Variants in LMBRD1 observed in about 807,000 individuals in gnomAD.
LMBRD1 encodes the protein lysosomal cobalamin transport escort protein LMBD1.
Under a neutral mutation model 74.8 loss-of-function variants are expected in LMBRD1, and 64 were observed. The ratio of observed to expected loss-of-function variants is 0.86; its 90% CI spans 0.70 to 1.05. The LOEUF (loss-of-function observed/expected upper bound fraction) is 1.05. LMBRD1 is among the 50% of genes least tolerant of loss of function. LMBRD1 has a pLI of 0.00. For missense variants in LMBRD1, 652 were observed against 645.9 expected (o/e 1.01, Z -0.10); for synonymous variants, 204 against 216.3 (o/e 0.94, Z 0.50).
intron 7 of LMBRD1, among the ~76,000 whole-genome samples, chr6:69,734,397 A>ATT (rs66556444): frequency 1.1e-4 from 16 of 144,276 alleles, no homozygotes; most frequent in African/African-American, 3.3e-4. Flanking sequence ...AACAAAACCA[A>ATT]TTTTTTTTTT....
chr6:69,710,796 C>T (rs1766365902), intron 9 of LMBRD1, among the ~76,000 whole-genome samples: 1 of 152,172 alleles, frequency 6.6e-6, no homozygotes. Context: ...AAGAATAACT[C>T]TTACAGACAC....
intron 9 of LMBRD1, among the ~76,000 whole-genome samples, chr6:69,710,919 T>A (rs1018442228): frequency 6.6e-6 from 1 of 152,134 alleles, no homozygotes; most frequent in East Asian, 1.9e-4. Flanking sequence ...TATAAACATA[T>A]TAAACGTTAG....
chr6:69,738,067 T>G, intron 6 of LMBRD1, 52 bp from the exon 7 acceptor site: 2 of 1,301,892 alleles, frequency 1.5e-6, no homozygotes. Flanking sequence ...ACTCAAATCC[T>G]TATATTTAGC....
intron 5 of LMBRD1, chr6:69,746,821 A>T: frequency 5.9e-6 from 1 of 169,378 alleles, no homozygotes; most frequent in Non-Finnish European, 1.3e-5. Flanking sequence ...GGGTGGTGGA[A>T]CTCATGTTCC....
At chr6:69,710,602 T>C (rs1766361745) in intron 9 of LMBRD1, among the ~76,000 whole-genome samples, 1 of 152,014 alleles carries the variant, frequency 6.6e-6, no homozygotes, top group Non-Finnish European at 1.5e-5. Context: ...AAGTGCTAGA[T>C]CCAGACTATA....
rs923390490 is a variant in LMBRD1 at position 69,742,069 on chromosome 6, A to G, written c.474-192T>C. Among the ~76,000 whole-genome samples, 39 of 152,314 alleles carry G rather than the reference A, an allele frequency of 2.6e-4. 1 individual carries two copies. The highest frequency in any genetic ancestry group is 2.2e-3 in the Admixed American group (34 of 15,306). ...TTAATAGTTGTATTACTGCATTCAG[A>G]AAAATTAGTTTCCTTTGTAATCCCG... is the stretch of plus-strand genomic sequence containing the variant. On this transcript the variant is annotated intron_variant, in intron 5 of 15. Coordinates refer to ENST00000649934, the MANE Select transcript of LMBRD1 (RefSeq NM_018368.4).
chr6:69,703,472 T>G (rs1226266975), intron 9 of LMBRD1, among the ~76,000 whole-genome samples: 7 of 145,904 alleles, frequency 4.8e-5, no homozygotes, highest in Admixed American at 1.3e-4. Flanking sequence ...AAAAAAAAAT[T>G]TAAAATTAAA....
At chr6:69,678,927 G>A (rs1300173463) in intron 14 of LMBRD1, among the ~76,000 whole-genome samples, 2 of 151,688 alleles carry the variant, frequency 1.3e-5, no homozygotes, top group Non-Finnish European at 2.9e-5. Flanking sequence ...GATATGTGAT[G>A]TAAAGATTTA....
At position 69,705,451 on chromosome 6, in the gene LMBRD1, G is replaced by A. The variant is rs909138724; in HGVS notation, c.916-3498C>T. 3 of 1,326,746 alleles carry A rather than the reference G, an allele frequency of 2.3e-6. No individual in the cohort carries two copies. The African/African-American group carries it at 4.5e-5, about 20-fold the overall frequency. 82.2% of individuals were successfully genotyped at this position (1,326,746 alleles called of 1,614,324 possible). A position where few individuals can be genotyped will look rare whatever the true frequency, so the allele number is the denominator to read the frequency against. On this transcript the variant is annotated intron_variant, in intron 9 of 15. Transcript: ENST00000649934. ...GCTTTAATGTCTTCTACAGAACTAG[G>A]TCCTTTTGGTGTTTTAGGAGATTTT... is the stretch of plus-strand genomic sequence containing the variant.
chr6:69,732,847 C>T (rs1053317126), intron 7 of LMBRD1, among the ~76,000 whole-genome samples: 1 of 152,064 alleles, frequency 6.6e-6, no homozygotes, highest in Non-Finnish European at 1.5e-5. Flanking sequence ...CTTGGTGGCA[C>T]CAAAAAATTA....
chr6:69,714,867 A>G (rs1445830711), intron 8 of LMBRD1, among the ~76,000 whole-genome samples: 4 of 152,124 alleles, frequency 2.6e-5, no homozygotes, highest in Non-Finnish European at 5.9e-5. Flanking sequence ...GTCAAACTTC[A>G]TGCATAAGAA....
intron 3 of LMBRD1, among the ~76,000 whole-genome samples, chr6:69,763,875 T>C (rs1317271562): frequency 6.6e-6 from 1 of 152,252 alleles, no homozygotes; most frequent in Non-Finnish European, 1.5e-5. Context: ...TCCCTTAGAA[T>C]GTCTATCCTA....
chr6:69,700,112 C>T (rs1253291818), intron 12 of LMBRD1, among the ~76,000 whole-genome samples: 1 of 151,806 alleles, frequency 6.6e-6, no homozygotes. Flanking sequence ...GATATTGGAT[C>T]TGACTTTTTG....
Position 69,783,734 on chromosome 6 carries a change from CT to C in LMBRD1, c.247-3181del, listed in dbSNP as rs570931774. Among the ~76,000 whole-genome samples, 11 of 152,044 alleles carry C rather than the reference CT, an allele frequency of 7.2e-5. No individual in the cohort carries two copies. In the East Asian group the frequency reaches 1.7e-3, roughly 24 times the overall value. On this transcript the variant is annotated intron_variant, in intron 2 of 15. Coordinates refer to ENST00000649934, the MANE Select transcript of LMBRD1 (RefSeq NM_018368.4). ...TGGGCCAGAGAATAATAACAACTATCTTTTTTTTACTTCTTATATGTTATAC... is the reference window on the plus strand; with the variant it reads ...TGGGCCAGAGAATAATAACAACTATCTTTTTTTACTTCTTATATGTTATAC...
intron 4 of LMBRD1, 69 bp from the exon 5 acceptor site, chr6:69,749,477 C>T (rs1765073184): frequency 1.7e-6 from 2 of 1,165,278 alleles, no homozygotes; most frequent in South Asian, 2.5e-5. Context: ...TCTTGCAACA[C>T]TTTAACAGTA....
intron 6 of LMBRD1, among the ~76,000 whole-genome samples, chr6:69,740,605 G>A (rs1767080423): frequency 6.6e-6 from 1 of 152,132 alleles, no homozygotes; most frequent in Non-Finnish European, 1.5e-5. Flanking sequence ...GAGATCTTAA[G>A]TGGAAAGCAA....
intron 3 of LMBRD1, among the ~76,000 whole-genome samples, chr6:69,757,355 A>G (rs150879132): frequency 1.3e-5 from 2 of 152,364 alleles, no homozygotes; most frequent in Non-Finnish European, 2.9e-5. Context: ...AAAAGTTTTT[A>G]GCAATCAACA....
At chr6:69,738,639 T>C (rs1021576956) in intron 6 of LMBRD1, among the ~76,000 whole-genome samples, 2 of 150,568 alleles carry the variant, frequency 1.3e-5, no homozygotes, top group African/African-American at 4.9e-5. Flanking sequence ...CAAAATACTA[T>C]GCTAACGCAT....
At chr6:69,708,822 C>G (rs772709825) in intron 9 of LMBRD1, among the ~76,000 whole-genome samples, 28 of 152,108 alleles carry the variant, frequency 1.8e-4, no homozygotes, top group Non-Finnish European at 3.4e-4. Context: ...AATTTAATGT[C>G]AGGAACTTCT....
Sources: allele counts gnomAD v4.1 joint callset (sites outside exome capture counted in the v4.1 genomes callset), GRCh38; gene constraint gnomAD v4.1.1; transcripts MANE v1.5; gene names NCBI Gene and HGNC (gene_info 2026-07-23, HGNC 2026-07-21).